Variants in PRKCH observed in about 807,000 individuals in gnomAD.
PRKCH encodes the protein protein kinase C eta.
Under a neutral mutation model 82.5 loss-of-function variants are expected in PRKCH, and 28 were observed. That is an observed-to-expected ratio of 0.34 (90% CI 0.25 to 0.47). The LOEUF is 0.47. PRKCH is among the 20% of genes least tolerant of loss of function. PRKCH has a pLI of 1.00. For synonymous variants in PRKCH, 322 were observed against 327.4 expected, an observed-to-expected ratio of 0.98 and a Z score of 0.18; for missense variants, 705 against 881.8, an observed-to-expected ratio of 0.80 and a Z score of 2.54.
At chr14:61,235,921 G>T (rs1404627410) in intron 1 of PRKCH, among the ~76,000 whole-genome samples, 2 of 152,168 alleles carry the variant, frequency 1.3e-5, no homozygotes, top group Non-Finnish European at 2.9e-5. Flanking sequence ...CCAGCTGAAT[G>T]GACCCTTCCT....
rs568004862 is a variant in PRKCH at position 61,470,989 on chromosome 14, G to A, written c.1278+13310G>A. On this transcript the variant is annotated intron_variant, in intron 9 of 13. Transcript: ENST00000332981. ...TCCACGGTTTTCTCTGAGGGCATGC[G>A]AAGTGGAAACTAACCTATCCCTGCA... 3.9e-5 allele frequency among the ~76,000 whole-genome samples: 6 copies of A among 152,100 alleles called. No homozygotes were observed. The South Asian group carries it at 8.3e-4, about 21-fold the overall frequency.
intron 10 of PRKCH, among the ~76,000 whole-genome samples, chr14:61,518,544 G>T (rs112937668): frequency 6.6e-6 from 1 of 152,166 alleles, no homozygotes; most frequent in Admixed American, 6.5e-5. Context: ...GTACACTGAG[G>T]ATGTTTATCA....
At chr14:61,366,176 C>T (rs1457221819) in intron 1 of PRKCH, among the ~76,000 whole-genome samples, 1 of 152,056 alleles carries the variant, frequency 6.6e-6, no homozygotes, top group Non-Finnish European at 1.5e-5. Flanking sequence ...CAGTAAAAAT[C>T]GTACACTTTT....
intron 12 of PRKCH, chr14:61,537,686 C>A (rs1000702372): frequency 1.3e-5 from 2 of 152,228 alleles, no homozygotes; most frequent in African/African-American, 4.8e-5. Context: ...TTTGAGCTCA[C>A]ACAGGTGGCT....
At chr14:61,233,229 A>G (rs909428004) in intron 1 of PRKCH, among the ~76,000 whole-genome samples, 6 of 152,062 alleles carry the variant, frequency 3.9e-5, no homozygotes, top group Admixed American at 1.3e-4. Context: ...TGTCTCTACA[A>G]ATAATTTTAA....
chr14:61,188,384 G>T (rs951413876), intron 1 of PRKCH, among the ~76,000 whole-genome samples: 1 of 152,204 alleles, frequency 6.6e-6, no homozygotes, highest in African/African-American at 2.4e-5. Flanking sequence ...AACCGAGGAA[G>T]GCTGGCCCGC....
At chr14:61,285,021 G>C (rs1203030655) in intron 1 of PRKCH, among the ~76,000 whole-genome samples, 1 of 151,936 alleles carries the variant, frequency 6.6e-6, no homozygotes, top group Non-Finnish European at 1.5e-5. Flanking sequence ...TGGACATGTA[G>C]GTTATATCCA....
chr14:61,538,752 G>T (rs2094812381), intron 12 of PRKCH, among the ~76,000 whole-genome samples: 1 of 152,168 alleles, frequency 6.6e-6, no homozygotes, highest in African/African-American at 2.4e-5. Flanking sequence ...TGACTTTGTT[G>T]TTTTTTGTTT....
chr14:61,436,638 T>C (rs1883692199), intron 2 of PRKCH, among the ~76,000 whole-genome samples: 1 of 152,148 alleles, frequency 6.6e-6, no homozygotes, highest in Non-Finnish European at 1.5e-5. Context: ...GTTCAAGCAA[T>C]CCTCCTGCCT....
intron 10 of PRKCH, among the ~76,000 whole-genome samples, chr14:61,486,663 A>C (rs1045222404): frequency 4.3e-5 from 6 of 138,928 alleles, no homozygotes; most frequent in Non-Finnish European, 7.8e-5. Flanking sequence ...TTATTGTTTT[A>C]TTTCTTTTCT....
intron 1 of PRKCH, among the ~76,000 whole-genome samples, chr14:61,380,159 A>G (rs1476091179): frequency 1.3e-5 from 2 of 152,086 alleles, no homozygotes; most frequent in African/African-American, 4.8e-5. Flanking sequence ...CCCAGGCTCA[A>G]GTGATCCTCC....
chr14:61,282,423 C>T (rs1301783032), intron 1 of PRKCH, among the ~76,000 whole-genome samples: 1 of 152,066 alleles, frequency 6.6e-6, no homozygotes, highest in African/African-American at 2.4e-5. Flanking sequence ...AATGTTTTCT[C>T]TATTACACTA....
intron 1 of PRKCH, chr14:61,307,142 T>C (rs2045490542): frequency 6.6e-6 from 1 of 152,222 alleles, no homozygotes. Flanking sequence ...CTTGTGCCTG[T>C]AATCCCAGCA....
In PRKCH at chr14:61,534,886, C is replaced by T. The variant is rs183756398; in HGVS notation, c.1761+4291C>T. On this transcript the variant is annotated intron_variant, in intron 12 of 13. Transcript: ENST00000332981. ...GAAAGTGTTTTCCAAGTGGAATGCA[C>T]GATACAAGAGTAAGTGATTAGTATT... Among the ~76,000 whole-genome samples, 300 of 152,206 alleles carry T rather than the reference C, an allele frequency of 2.0e-3. 1 individual carries two copies. Among genetic ancestry groups the T allele is most frequent in the African/African-American group, 6.4e-3 (266 of 41,524 alleles).
intron 12 of PRKCH, chr14:61,543,713 A>G (rs1379828417): frequency 2.0e-5 from 3 of 152,214 alleles, no homozygotes; most frequent in Non-Finnish European, 2.9e-5. Flanking sequence ...GAGGAGCACA[A>G]TTGTTAACTT....
intron 10 of PRKCH, among the ~76,000 whole-genome samples, chr14:61,488,833 C>A (rs1024593821): frequency 2.6e-5 from 4 of 152,148 alleles, no homozygotes; most frequent in Non-Finnish European, 5.9e-5. Flanking sequence ...TGCCAGCCCC[C>A]ATCTTGACAA....
chr14:61,343,461 C>T (rs2045954455), intron 1 of PRKCH, among the ~76,000 whole-genome samples: 1 of 151,326 alleles, frequency 6.6e-6, no homozygotes, highest in Admixed American at 6.6e-5. Flanking sequence ...GGACTGGACT[C>T]TAAGGAAATG....
In PRKCH at chr14:61,451,429, G is replaced by A. The variant is rs571482980; in HGVS notation, c.832+458G>A. The stretch of plus-strand genomic sequence containing the variant: ...GTTAAGAGTAAGAAATGGCAGAATA[G>A]ATCTGATGATCTCACCAGAAATCAG... On this transcript the variant is annotated intron_variant, in intron 6 of 13. Transcript: ENST00000332981. 3.9e-5 allele frequency among the ~76,000 whole-genome samples: 6 copies of A among 152,316 alleles called. No homozygotes were observed. In the East Asian group the frequency reaches 1.2e-3, roughly 29 times the overall value.
At chr14:61,210,714 AG>A (rs758506746) in intron 1 of PRKCH, among the ~76,000 whole-genome samples, 10 of 151,964 alleles carry the variant, frequency 6.6e-5, no homozygotes, top group Non-Finnish European at 1.0e-4. Context: ...ATAAATGTAT[AG>A]GGGTCCCAAG....
Sources: allele counts gnomAD v4.1 joint callset (sites outside exome capture counted in the v4.1 genomes callset), GRCh38; gene constraint gnomAD v4.1.1; transcripts MANE v1.5; gene names NCBI Gene and HGNC (gene_info 2026-07-23, HGNC 2026-07-21).